The following NBEA variants were observed in gnomAD, a reference collection of about 807,000 sequenced individuals.
The protein encoded by NBEA is lysosomal-trafficking regulator 2.
A neutral mutation model predicts 343.4 loss-of-function variants in NBEA; 44 were observed. The ratio of observed to expected loss-of-function variants is 0.13; its 90% confidence interval spans 0.10 to 0.16. The LOEUF is 0.16. Among genes scored for constraint, NBEA ranks in the 10% least tolerant of loss-of-function variants. NBEA has a pLI of 1.00. For synonymous variants in NBEA, 1,175 were observed against 1,238.7 expected, an observed-to-expected ratio of 0.95 and a Z score of 1.08; for missense variants, 2,555 against 3,631.3, an observed-to-expected ratio of 0.70 and a Z score of 7.62.
At chr13:35,563,885 T>A (rs914738730) in intron 44 of NBEA, among the ~76,000 whole-genome samples, 1 of 151,716 alleles carries the variant, frequency 6.6e-6, no homozygotes, top group Non-Finnish European at 1.5e-5. Flanking sequence ...TATTTTTTTT[T>A]TAACTTTTAT....
rs141139619 is a variant in NBEA at position 35,639,598 on chromosome 13, G to C, written c.7618-6271G>C. Among the ~76,000 whole-genome samples, 734 of 152,144 alleles carry C rather than the reference G, an allele frequency of 4.8e-3. 9 individuals carry two copies. The highest frequency in any genetic ancestry group is 0.017 in the African/African-American group (699 of 41,514). On this transcript the variant is annotated intron_variant, in intron 49 of 58. Coordinates refer to ENST00000379939, the MANE Select transcript of NBEA (RefSeq NM_001385012.1). ...AAAAGAGCACTTTTAAGTATTAAAA[G>C]CCTTGTAAGTAAGAGCTATACAGTG... is the stretch of plus-strand genomic sequence containing the variant.
chr13:35,320,023 C>G lies in NBEA; in HGVS notation c.5903+10431C>G, dbSNP rs1259927453. On this transcript the variant is annotated intron_variant, in intron 36 of 58. Transcript: ENST00000379939. ...TGATGGGTCTCCTGAGTACAGCACA[C>G]TGATGGGTCGTGACTCTTTATCAAC... is the stretch of plus-strand genomic sequence containing the variant. Among the ~76,000 whole-genome samples the G allele has an allele frequency of 3.9e-5, 6 of 152,216 alleles. No homozygotes were observed. The East Asian group carries it at 1.2e-3, about 29-fold the overall frequency.
At chr13:35,306,101 ACTTT>A (rs1306794970) in intron 35 of NBEA, among the ~76,000 whole-genome samples, 2 of 152,194 alleles carry the variant, frequency 1.3e-5, no homozygotes, top group East Asian at 3.9e-4. Flanking sequence ...CAGAAGATTT[ACTTT>A]CTTCCATCTT....
At chr13:34,946,665 A>C (rs866681627) in intron 1 of NBEA, among the ~76,000 whole-genome samples, 2 of 149,686 alleles carry the variant, frequency 1.3e-5, no homozygotes, top group Non-Finnish European at 3.0e-5. Context: ...GAGTTATATC[A>C]GTGTGTCCAG....
chr13:35,036,990 A>G (rs748704395), intron 1 of NBEA, among the ~76,000 whole-genome samples: 4 of 152,098 alleles, frequency 2.6e-5, no homozygotes, highest in Non-Finnish European at 4.4e-5. Flanking sequence ...TAAACTTTCT[A>G]CACCTATCTG....
At chr13:35,462,420 G>A (rs1019091077) in intron 40 of NBEA, among the ~76,000 whole-genome samples, 8 of 152,156 alleles carry the variant, frequency 5.3e-5, no homozygotes, top group Non-Finnish European at 1.0e-4. Context: ...TGCAGATGGC[G>A]GGAAATGTAT....
chr13:35,478,414 A>T (rs940493893), intron 41 of NBEA, among the ~76,000 whole-genome samples: 1 of 152,100 alleles, frequency 6.6e-6, no homozygotes, highest in Admixed American at 6.5e-5. Flanking sequence ...GACCCATCAG[A>T]GCCGGAGAAC....
At chr13:35,648,711 A>G (rs1427023544) in intron 51 of NBEA, among the ~76,000 whole-genome samples, 5 of 152,168 alleles carry the variant, frequency 3.3e-5, no homozygotes, top group African/African-American at 1.2e-4. Context: ...TATGTTTTTA[A>G]TATGGTGGTA....
At chr13:35,661,608 C>T (rs2085093841) in intron 55 of NBEA, among the ~76,000 whole-genome samples, 1 of 152,120 alleles carries the variant, frequency 6.6e-6, no homozygotes, top group African/African-American at 2.4e-5. Flanking sequence ...ACCTCCACAG[C>T]ACCTGCCTGT....
At chr13:35,416,814 A>G (rs2043941509) in intron 38 of NBEA, among the ~76,000 whole-genome samples, 3 of 152,158 alleles carry the variant, frequency 2.0e-5, no homozygotes, top group African/African-American at 7.2e-5. Flanking sequence ...AAAGAATATT[A>G]CCAGCTCCTC....
intron 8 of NBEA, among the ~76,000 whole-genome samples, chr13:35,059,974 T>G (rs1445908244): frequency 2.6e-5 from 4 of 151,842 alleles, no homozygotes; most frequent in Non-Finnish European, 4.4e-5. Flanking sequence ...GTACAGTTAC[T>G]TTTTCTTTCA....
In NBEA at chr13:35,110,967, C is replaced by T. The variant is rs1186350185; in HGVS notation, c.1991C>T (p.Pro664Leu). The T allele has an allele frequency of 1.2e-6, 2 of 1,607,788 alleles. No individual in the cohort carries two copies. The highest frequency in any genetic ancestry group is 1.7e-5 in the Admixed American group (1 of 59,790). ...CCTGCTGACAGTAGTGGCATTACAC[C>T]TAAAGGATTAGGTATGTATACCACT... The part of the protein sequence containing the change: ...INPADSSGIT[P>L]KGLDGPRPSQ... Residue 664 changes from proline to leucine, a missense_variant, in exon 13 of 59, where the codon CCT becomes CTT. Physicochemically the swap from Pro to Leu is moderately conservative, Grantham distance 98 (BLOSUM62 -3). Coordinates refer to ENST00000379939, the MANE Select transcript of NBEA (RefSeq NM_001385012.1).
At chr13:35,084,239 A>G (rs886824339) in intron 10 of NBEA, among the ~76,000 whole-genome samples, 7 of 152,186 alleles carry the variant, frequency 4.6e-5, no homozygotes, top group Admixed American at 4.6e-4. Flanking sequence ...ATAGACATCT[A>G]CAGAACTCTC....
At chr13:35,015,138 AACAAAC>A (rs2061609918) in intron 1 of NBEA, among the ~76,000 whole-genome samples, 1 of 124,340 alleles carries the variant, frequency 8.0e-6, no homozygotes. Context: ...AAAAAAAAAA[AACAAAC>A]AAAAAAAAAA....
chr13:35,412,157 T>C (rs929756707), intron 38 of NBEA, among the ~76,000 whole-genome samples: 3 of 152,294 alleles, frequency 2.0e-5, no homozygotes, highest in Admixed American at 2.0e-4. Context: ...CTTTTTGAAG[T>C]CTGCTAGTAT....
intron 30 of NBEA, among the ~76,000 whole-genome samples, chr13:35,195,177 T>G (rs913612867): frequency 2.6e-5 from 4 of 152,060 alleles, no homozygotes; most frequent in African/African-American, 4.8e-5. Flanking sequence ...TAGAGAAATA[T>G]AAGAATTTCT....
chr13:35,252,783 A>G (rs181396011), intron 34 of NBEA, among the ~76,000 whole-genome samples: 1 of 152,292 alleles, frequency 6.6e-6, no homozygotes, highest in Non-Finnish European at 1.5e-5. Context: ...TGACCAGCCA[A>G]AGCAGGTGTT....
At chr13:35,089,995 G>A (rs917042308) in intron 10 of NBEA, among the ~76,000 whole-genome samples, 1 of 150,632 alleles carries the variant, frequency 6.6e-6, no homozygotes, top group Non-Finnish European at 1.5e-5. Flanking sequence ...CACCAGAATG[G>A]CACATGTATA....
chr13:35,359,509 CA>C (rs35199364), intron 38 of NBEA, among the ~76,000 whole-genome samples: 1 of 151,486 alleles, frequency 6.6e-6, no homozygotes, highest in Non-Finnish European at 1.5e-5. Context: ...GCTATTCTAC[CA>C]AAAAAATAGT....
Sources: gnomAD v4.1 joint callset for allele counts (sites outside exome capture counted in the v4.1 genomes callset) on GRCh38, gnomAD v4.1.1 for gene constraint, MANE v1.5 for transcripts, NCBI Gene and HGNC (gene_info 2026-07-23, HGNC 2026-07-21) for gene names.